DOCK4: variants seen among roughly 807,000 people sequenced by gnomAD.
DOCK4 encodes the protein dedicator of cytokinesis protein 4.
Under a neutral mutation model 268.1 loss-of-function variants are expected in DOCK4, and 97 were observed. The ratio of observed to expected loss-of-function variants is 0.36; its 90% confidence interval spans 0.31 to 0.43. DOCK4 has a LOEUF of 0.43. Ranked by LOEUF, DOCK4 falls within the 20% of genes least tolerant of loss-of-function variation. The probability of loss-of-function intolerance (pLI) is 1.00; values close to 1 mark genes in which losing one functional copy is unlikely to be tolerated. For synonymous variants in DOCK4, 954 were observed against 887.2 expected (o/e 1.08, Z -1.34); for missense variants, 2,145 against 2,455.7 (o/e 0.87, Z 2.67).
At chr7:111,731,017 TGTGA>T (rs1240925774) in intron 52 of DOCK4, among the ~76,000 whole-genome samples, 2 of 152,202 alleles carry the variant, frequency 1.3e-5, no homozygotes, top group African/African-American at 4.8e-5. Context: ...GGGAGCTCTG[TGTGA>T]GTAAGGGCAA....
At chr7:112,161,779 C>T (rs140437679) in intron 1 of DOCK4, among the ~76,000 whole-genome samples, 13 of 152,280 alleles carry the variant, frequency 8.5e-5, no homozygotes, top group African/African-American at 2.9e-4. Context: ...GACATTTACA[C>T]ATCTTGGTTA....
intron 1 of DOCK4, among the ~76,000 whole-genome samples, chr7:112,121,924 A>G (rs1339201003): frequency 1.3e-5 from 2 of 152,188 alleles, no homozygotes; most frequent in Admixed American, 6.5e-5. Flanking sequence ...TATATAGTAT[A>G]GAATTCTATA....
At chr7:112,148,401 T>G (rs778221740) in intron 1 of DOCK4, among the ~76,000 whole-genome samples, 1 of 152,112 alleles carries the variant, frequency 6.6e-6, no homozygotes, top group Non-Finnish European at 1.5e-5. Flanking sequence ...AATAATGTTT[T>G]TAAAGGCATA....
At chr7:112,000,871 C>G (rs1800367483) in intron 2 of DOCK4, among the ~76,000 whole-genome samples, 1 of 152,170 alleles carries the variant, frequency 6.6e-6, no homozygotes, top group South Asian at 2.1e-4. Context: ...TACTTGACAT[C>G]TCTGAGTACC....
chr7:112,059,213 G>A (rs1285588236), intron 1 of DOCK4, among the ~76,000 whole-genome samples: 3 of 131,684 alleles, frequency 2.3e-5, no homozygotes, highest in African/African-American at 9.4e-5. Flanking sequence ...CACGATCTCA[G>A]CTCACTACAA....
At chr7:112,028,154 G>T (rs1224094425) in intron 1 of DOCK4, among the ~76,000 whole-genome samples, 1 of 152,172 alleles carries the variant, frequency 6.6e-6, no homozygotes. Context: ...AGAGCATGAA[G>T]TACAGGTCCC....
chr7:112,201,435 C>T (rs569308140), intron 1 of DOCK4, among the ~76,000 whole-genome samples: 4 of 152,256 alleles, frequency 2.6e-5, no homozygotes, highest in East Asian at 1.9e-4. Context: ...GGATTTTCTG[C>T]ACCGATCAAT....
intron 1 of DOCK4, among the ~76,000 whole-genome samples, chr7:112,123,030 G>A (rs1159296208): frequency 6.6e-6 from 1 of 152,220 alleles, no homozygotes; most frequent in Non-Finnish European, 1.5e-5. Flanking sequence ...TACACAGGGA[G>A]AACCACAAAA....
chr7:111,752,619 TC>T (rs1796744402), intron 42 of DOCK4, among the ~76,000 whole-genome samples: 1 of 142,894 alleles, frequency 7.0e-6, no homozygotes, highest in African/African-American at 2.6e-5. Flanking sequence ...AGAGGTTTGC[TC>T]TTGTTGCCCA....
intron 15 of DOCK4, among the ~76,000 whole-genome samples, chr7:111,898,271 C>G (rs993699086): frequency 2.6e-5 from 4 of 152,248 alleles, no homozygotes. Context: ...GTACTGTCCT[C>G]TCTGCCTGGA....
At chr7:111,772,872 G>C (rs953383313) in intron 36 of DOCK4, among the ~76,000 whole-genome samples, 1 of 152,160 alleles carries the variant, frequency 6.6e-6, no homozygotes, top group Non-Finnish European at 1.5e-5. Flanking sequence ...TTCCCAATCA[G>C]CTTGCCCTTG....
intron 1 of DOCK4, among the ~76,000 whole-genome samples, chr7:112,063,353 G>A (rs1440113131): frequency 6.6e-6 from 1 of 152,152 alleles, no homozygotes; most frequent in Non-Finnish European, 1.5e-5. Context: ...GTTCAGTCCT[G>A]ATAAACCCAT....
intron 1 of DOCK4, among the ~76,000 whole-genome samples, chr7:112,146,212 G>A (rs181237916): frequency 1.1e-4 from 17 of 152,258 alleles, no homozygotes; most frequent in Admixed American, 2.6e-4. Flanking sequence ...AGACTTCATC[G>A]AATCAGCCTT....
intron 42 of DOCK4, among the ~76,000 whole-genome samples, chr7:111,754,843 C>T (rs1796915326): frequency 3.3e-5 from 5 of 152,194 alleles, no homozygotes; most frequent in Admixed American, 2.0e-4. Flanking sequence ...ACCCACTGAT[C>T]TACAGTGGGT....
chr7:111,879,634 T>G (rs1807212650), intron 16 of DOCK4, among the ~76,000 whole-genome samples: 1 of 152,238 alleles, frequency 6.6e-6, no homozygotes, highest in East Asian at 1.9e-4. Context: ...CTCAAACAGA[T>G]AATTCAAAAT....
intron 30 of DOCK4, among the ~76,000 whole-genome samples, chr7:111,799,126 T>C (rs1372647949): frequency 1.3e-5 from 2 of 152,198 alleles, no homozygotes; most frequent in Admixed American, 1.3e-4. Flanking sequence ...AACTTCAGTA[T>C]TCCCTACAGA....
chr7:111,859,566 T>TC (rs1805311462), intron 23 of DOCK4, among the ~76,000 whole-genome samples: 1 of 141,384 alleles, frequency 7.1e-6, no homozygotes, highest in South Asian at 2.3e-4. Flanking sequence ...GTGTTAATTT[T>TC]TTTTTTTTTT....
chr7:111,983,910 G>A (rs1798837334), intron 7 of DOCK4, among the ~76,000 whole-genome samples: 1 of 145,134 alleles, frequency 6.9e-6, no homozygotes, highest in Non-Finnish European at 1.5e-5. Flanking sequence ...GAGCTAATGG[G>A]GGCAGGAGGA....
chr7:111,926,212 G>A (rs1249247481), intron 12 of DOCK4, among the ~76,000 whole-genome samples: 4 of 147,622 alleles, frequency 2.7e-5, no homozygotes, highest in Non-Finnish European at 5.9e-5. Flanking sequence ...GAGGTCAGGA[G>A]ATCGAGACTA....
Sources: allele counts gnomAD v4.1 joint callset (sites outside exome capture counted in the v4.1 genomes callset), GRCh38; gene constraint gnomAD v4.1.1; transcripts MANE v1.5; gene names NCBI Gene and HGNC (gene_info 2026-07-23, HGNC 2026-07-21).